Variants in MTHFD2L observed in about 807,000 individuals in gnomAD.
MTHFD2L encodes the protein methylenetetrahydrofolate dehydrogenase (NADP+ dependent) 2 like, also known as bifunctional methylenetetrahydrofolate dehydrogenase/cyclohydrolase 2, mitochondrial.
A neutral mutation model predicts 34.9 loss-of-function variants in MTHFD2L; 29 were observed. The ratio of observed to expected loss-of-function variants is 0.83; its 90% CI spans 0.62 to 1.13. The LOEUF is 1.13. MTHFD2L is among the 50% of genes most tolerant of loss of function. The pLI is 0.00. For synonymous variants in MTHFD2L, 167 were observed against 155.7 expected (o/e 1.07, Z -0.54); for missense variants, 481 against 446.5 (o/e 1.08, Z -0.70).
chr4:74,234,138 T>C (rs1237690349), intron 6 of MTHFD2L, among the ~76,000 whole-genome samples: 2 of 152,084 alleles, frequency 1.3e-5, no homozygotes, highest in South Asian at 4.1e-4. Context: ...ATGTATATCA[T>C]GGGCTTGGGA....
At chr4:74,287,725 C>T (rs572082531) in intron 7 of MTHFD2L, among the ~76,000 whole-genome samples, 12 of 152,204 alleles carry the variant, frequency 7.9e-5, no homozygotes, top group South Asian at 2.1e-4. Flanking sequence ...CTAGCCTAGG[C>T]GACACAGTGA....
chr4:74,301,788 A>G lies in MTHFD2L; in HGVS notation c.1023A>G (p.Ala341=), dbSNP rs1478536580. 6.2e-7 allele frequency: 1 copy of G among 1,605,720 alleles called. No individual in the cohort carries two copies. The highest frequency in any genetic ancestry group is 8.5e-7 in the Non-Finnish European group (1 of 1,175,372). The change falls in exon 8 of 8, where the codon GCA becomes GCG. Residue 341 remains alanine (A), a synonymous_variant. Coordinates refer to ENST00000325278, the MANE Select transcript of MTHFD2L (RefSeq NM_001144978.3). ...VAMLLKNTLL[A]AKKIIY ...TGCTTCTGAAGAACACCCTTCTGGC[A>G]GCTAAAAAAATCATTTACTAGATCA...
At chr4:74,271,214 C>G (rs1745936537) in intron 6 of MTHFD2L, among the ~76,000 whole-genome samples, 1 of 152,128 alleles carries the variant, frequency 6.6e-6, no homozygotes, top group Non-Finnish European at 1.5e-5. Flanking sequence ...ATTGCCATTG[C>G]TTTTGGTGTT....
At chr4:74,284,443 T>C (rs28663170) in intron 7 of MTHFD2L, among the ~76,000 whole-genome samples, 9,665 of 152,188 alleles carry the variant, frequency 0.064, 715 homozygotes, top group African/African-American at 0.17. Flanking sequence ...ATGATGAGCA[T>C]TTATTCATGT....
At chr4:74,175,742 T>C (rs1359515155) in intron 3 of MTHFD2L, among the ~76,000 whole-genome samples, 1 of 152,046 alleles carries the variant, frequency 6.6e-6, no homozygotes, top group African/African-American at 2.4e-5. Context: ...AAACTTCTTA[T>C]CCAAGCATTG....
At position 74,158,143 on chromosome 4, in the gene MTHFD2L, C is replaced by T. The variant is rs776974524; in HGVS notation, c.5C>T (p.Thr2Met). The T allele has an allele frequency of 7.2e-6, 11 of 1,529,944 alleles. No individual in the cohort carries two copies. Among genetic ancestry groups the T allele is most frequent in the Admixed American group, 2.0e-5 (1 of 49,792 alleles). 94.8% of individuals were successfully genotyped at this position (1,529,944 alleles called of 1,614,324 possible). A position where few individuals can be genotyped will look rare whatever the true frequency, so the allele number is the denominator to read the frequency against. The change falls in exon 1 of 8, where the codon ACG (threonine) becomes ATG (methionine). Residue 2 changes from threonine (T) to methionine (M), a missense_variant. Thr to Met is a moderately conservative substitution (Grantham distance 81). Transcript: ENST00000325278. M[T>M]VPVRGFSLLR... is the part of the protein sequence containing the mutation. The stretch of plus-strand genomic sequence containing the variant: ...GGAAGCCGGGGATCCGCGGCCATGA[C>T]GGTGCCGGTCCGCGGCTTCTCGCTG...
chr4:74,153,328 A>G (rs1270146843), upstream of MTHFD2L, among the ~76,000 whole-genome samples: 1 of 152,246 alleles, frequency 6.6e-6, no homozygotes, highest in Admixed American at 6.5e-5. Context: ...CCTATTAAAT[A>G]AGATGCCCCA....
chr4:74,286,256 T>G (rs1470804367), intron 7 of MTHFD2L, among the ~76,000 whole-genome samples: 4 of 152,316 alleles, frequency 2.6e-5, no homozygotes, highest in South Asian at 2.1e-4. Context: ...TGTGATAACA[T>G]TATTTTGCAT....
rs376632617 is a variant in MTHFD2L, at chr4:74,286,899, T to C, written c.931+5349T>C. Reference sequence around the variant, plus strand: ...AATGAAACAGACAGGAAAGAATTGGTGTTGTAAAGAAATGAAAGAGACAGG... The same window carrying C: ...AATGAAACAGACAGGAAAGAATTGGCGTTGTAAAGAAATGAAAGAGACAGG... On this transcript the variant is annotated intron_variant, in intron 7 of 7. Transcript: ENST00000325278. 1.1e-4 allele frequency among the ~76,000 whole-genome samples: 16 copies of C among 152,264 alleles called. No homozygotes were observed. In the East Asian group the frequency reaches 1.2e-3, roughly 11 times the overall value.
chr4:74,121,108 G>A (rs2109773879), upstream of MTHFD2L, among the ~76,000 whole-genome samples: 1 of 152,266 alleles, frequency 6.6e-6, no homozygotes, highest in East Asian at 1.9e-4. Flanking sequence ...CTTTCTCCCA[G>A]CTAGTGCATG....
At chr4:74,119,768 G>A (rs1244272412), upstream of MTHFD2L, among the ~76,000 whole-genome samples, 1 of 152,026 alleles carries the variant, frequency 6.6e-6, no homozygotes, top group African/African-American at 2.4e-5. Context: ...GGGTGACAGA[G>A]CGAGACTCCA....
intron 6 of MTHFD2L, among the ~76,000 whole-genome samples, chr4:74,251,835 CTA>C (rs1265635659): frequency 6.6e-6 from 1 of 152,148 alleles, no homozygotes. Flanking sequence ...GCAAACAAAA[CTA>C]TTTTTAAAAT....
At chr4:74,250,987 C>T (rs765780886) in intron 6 of MTHFD2L, among the ~76,000 whole-genome samples, 2 of 152,164 alleles carry the variant, frequency 1.3e-5, no homozygotes, top group African/African-American at 4.8e-5. Context: ...CAGCATATTA[C>T]AGAATTTTAG....
At chr4:74,281,327 G>GTGTGTGTGTGTGTA in intron 6 of MTHFD2L, 98 bp from the exon 7 acceptor site, 1 of 946,400 alleles carries the variant, frequency 1.1e-6, no homozygotes, top group South Asian at 1.7e-5. Flanking sequence ...ACACATACGT[G>GTGTGTGTGTGTGTA]TGTGTGTGTG....
At chr4:74,281,901 A>G (rs1023693769) in intron 7 of MTHFD2L, among the ~76,000 whole-genome samples, 1 of 152,050 alleles carries the variant, frequency 6.6e-6, no homozygotes, top group African/African-American at 2.4e-5. Context: ...ATCTTACTCT[A>G]CGCTTAGTCA....
chr4:74,158,154 C>A lies in MTHFD2L; in HGVS notation c.16C>A (p.Arg6Ser). ...ATCCGCGGCCATGACGGTGCCGGTC[C>A]GCGGCTTCTCGCTGCTCCGCGGCCG... The part of the protein sequence containing the change: MTVPV[R>S]GFSLLRGRLG... The change falls in exon 1 of 8, where the codon CGC becomes AGC. Residue 6 changes from arginine to serine, a missense_variant. Transcript: ENST00000325278. 1 of 1,529,706 alleles carries A rather than the reference C, an allele frequency of 6.5e-7. No homozygotes were observed. Among genetic ancestry groups the A allele is most frequent in the South Asian group, 1.2e-5 (1 of 81,884 alleles). The allele number at this position is 1,529,706 out of a possible 1,614,324, so 94.8% of individuals were successfully genotyped here. A position where few individuals can be genotyped will look rare whatever the true frequency, so the allele number is the denominator to read the frequency against.
intron 6 of MTHFD2L, chr4:74,242,197 T>TAAAA (rs747691194): frequency 6.4e-4 from 10 of 15,652 alleles, no homozygotes; most frequent in Middle Eastern, 0.056. Context: ...AGTAAATAAG[T>TAAAA]AAAAAAATAA....
intron 1 of MTHFD2L, among the ~76,000 whole-genome samples, chr4:74,172,456 A>G (rs1728207745): frequency 6.6e-6 from 1 of 152,206 alleles, no homozygotes; most frequent in African/African-American, 2.4e-5. Flanking sequence ...TGAAGAGTAG[A>G]CAAAATTAGA....
intron 1 of MTHFD2L, chr4:74,140,663 T>C (rs1460493580): frequency 1.8e-6 from 1 of 552,360 alleles, no homozygotes; most frequent in Non-Finnish European, 2.3e-6. Flanking sequence ...AGGAAAGAGG[T>C]TTAATTGACC....
Sources: gnomAD v4.1 joint callset for allele counts (sites outside exome capture counted in the v4.1 genomes callset) on GRCh38, gnomAD v4.1.1 for gene constraint, MANE v1.5 for transcripts, NCBI Gene and HGNC (gene_info 2026-07-23, HGNC 2026-07-21) for gene names.